The following MAP4 variants were observed in gnomAD, a reference collection of about 807,000 sequenced individuals.
The protein encoded by MAP4 is microtubule-associated protein 4.
MAP4 carries 76 observed loss-of-function variants against 170.2 expected under a neutral mutation model. That is an observed-to-expected ratio of 0.45 (90% confidence interval 0.37 to 0.54). The LOEUF is 0.54. Among genes scored for constraint, MAP4 ranks in the 20% least tolerant of loss-of-function variants. The pLI is 0.00. For synonymous variants in MAP4, 909 were observed against 994.5 expected (o/e 0.91, Z 1.62); for missense variants, 2,506 against 2,748.0 (o/e 0.91, Z 1.97).
chr3:47,918,469 A>C (rs2100040939), intron 6 of MAP4, among the ~76,000 whole-genome samples: 1 of 151,922 alleles, frequency 6.6e-6, no homozygotes, highest in African/African-American at 2.4e-5. Context: ...TAATACAATG[A>C]AAATGTGATG....
At chr3:47,902,153 C>CA (rs1168447299) in intron 10 of MAP4, among the ~76,000 whole-genome samples, 2 of 151,882 alleles carry the variant, frequency 1.3e-5, no homozygotes. Context: ...TACCTTGTCT[C>CA]AAAAAAATAA....
At chr3:48,065,514 T>C (rs1400891587) in intron 1 of MAP4, among the ~76,000 whole-genome samples, 1 of 144,538 alleles carries the variant, frequency 6.9e-6, no homozygotes, top group Non-Finnish European at 1.5e-5. Context: ...AGTTAAGCCT[T>C]ATAAGACACC....
intron 3 of MAP4, among the ~76,000 whole-genome samples, chr3:47,964,048 G>A (rs1433112208): frequency 1.3e-5 from 2 of 152,172 alleles, no homozygotes; most frequent in Admixed American, 1.3e-4. Flanking sequence ...ACACCATGAA[G>A]CAAAGTAAGT....
At chr3:47,985,193 T>A (rs1417842611) in intron 2 of MAP4, among the ~76,000 whole-genome samples, 3 of 151,406 alleles carry the variant, frequency 2.0e-5, no homozygotes, top group East Asian at 3.9e-4. Context: ...GGCAGGAGGA[T>A]CACCTGAACC....
chr3:47,915,277 C>T (rs1008402512), intron 7 of MAP4, among the ~76,000 whole-genome samples: 5 of 151,930 alleles, frequency 3.3e-5, no homozygotes, highest in Admixed American at 2.6e-4. Flanking sequence ...CCACCATGCC[C>T]GGCTAATTTT....
intron 9 of MAP4, 49 bp downstream of exon 9, chr3:47,908,989 C>A: frequency 1.3e-6 from 2 of 1,558,516 alleles, no homozygotes; most frequent in Middle Eastern, 1.7e-4. Context: ...CTTTCTGATG[C>A]TGACTCAAAA....
At chr3:47,906,200 C>T (rs748635449) in intron 9 of MAP4, among the ~76,000 whole-genome samples, 11 of 151,696 alleles carry the variant, frequency 7.3e-5, no homozygotes, top group Non-Finnish European at 1.2e-4. Flanking sequence ...TGTAGGCCTA[C>T]AGAGAGCAAT....
intron 10 of MAP4, among the ~76,000 whole-genome samples, chr3:47,896,454 G>A (rs1459109079): frequency 3.9e-5 from 6 of 152,108 alleles, no homozygotes; most frequent in Admixed American, 1.3e-4. Context: ...GCTTGAACCC[G>A]GGAGGCAGAG....
At chr3:48,037,214 C>T (rs2100119173) in intron 1 of MAP4, among the ~76,000 whole-genome samples, 1 of 152,174 alleles carries the variant, frequency 6.6e-6, no homozygotes, top group Non-Finnish European at 1.5e-5. Flanking sequence ...CTCCCTTTAG[C>T]TCTTCATGTG....
intron 3 of MAP4, among the ~76,000 whole-genome samples, chr3:47,939,655 A>C (rs1216886041): frequency 6.6e-6 from 1 of 152,130 alleles, no homozygotes; most frequent in Non-Finnish European, 1.5e-5. Flanking sequence ...TAGACATTAA[A>C]AACTCTGATT....
chr3:47,975,607 G>T, intron 3 of MAP4: 1 of 709,528 alleles, frequency 1.4e-6, no homozygotes, highest in Non-Finnish European at 2.6e-6. Flanking sequence ...GTTTGCTCTC[G>T]GGACTATAGA....
chr3:47,999,739 A>G (rs1338486716), intron 1 of MAP4, among the ~76,000 whole-genome samples: 2 of 152,070 alleles, frequency 1.3e-5, no homozygotes, highest in Non-Finnish European at 2.9e-5. Flanking sequence ...AAAGATAACT[A>G]TTGGGTACTA....
intron 1 of MAP4, among the ~76,000 whole-genome samples, chr3:48,009,743 T>C (rs2100104277): frequency 6.6e-6 from 1 of 152,160 alleles, no homozygotes; most frequent in Admixed American, 6.5e-5. Context: ...GAACTGGAAG[T>C]GGCACCACTC....
At chr3:47,939,940 C>G (rs2100055272) in intron 3 of MAP4, among the ~76,000 whole-genome samples, 1 of 152,008 alleles carries the variant, frequency 6.6e-6, no homozygotes, top group Non-Finnish European at 1.5e-5. Context: ...CAGGTTCAAG[C>G]AATTCTCCTG....
At chr3:47,918,928 TTTTG>T (rs1379545296) in intron 5 of MAP4, 87 bp from the exon 6 acceptor site, 63 of 1,221,748 alleles carry the variant, frequency 5.2e-5, no homozygotes, top group Middle Eastern at 2.0e-4. Flanking sequence ...TTTTGTTTTG[TTTTG>T]TTTGTTTTTT....
In MAP4 at chr3:47,920,544, G is replaced by GT. The variant is rs71070241; in HGVS notation, c.529+1220dup. ...GGGCGTGTGCCACTGCACCCAGATG[G>GT]TTTTTTTTTTTTTTTTTTTTTTTTA... On this transcript the variant is annotated intron_variant, in intron 5 of 20. Coordinates refer to ENST00000683076, the MANE Select transcript of MAP4 (RefSeq NM_001385682.1). Among the ~76,000 whole-genome samples the GT allele has an allele frequency of 8.0e-4, 77 of 96,542 alleles. 1 individual carries two copies. The highest frequency in any genetic ancestry group is 1.6e-3 in the South Asian group (4 of 2,536). 63.3% of individuals were successfully genotyped at this position (96,542 alleles called of 152,430 possible). A position where few individuals can be genotyped will look rare whatever the true frequency, so the allele number is the denominator to read the frequency against.
intron 2 of MAP4, among the ~76,000 whole-genome samples, chr3:47,978,312 G>GTTT (rs2100083385): frequency 6.6e-6 from 1 of 152,032 alleles, no homozygotes; most frequent in South Asian, 2.1e-4. Context: ...GAGGGCATTT[G>GTTT]TTTTATTATT....
intron 1 of MAP4, among the ~76,000 whole-genome samples, chr3:48,005,122 G>A (rs1299788176): frequency 6.6e-6 from 1 of 152,168 alleles, no homozygotes; most frequent in Non-Finnish European, 1.5e-5. Flanking sequence ...AATACTTTGT[G>A]AGGCCGAGGT....
intron 3 of MAP4, among the ~76,000 whole-genome samples, chr3:47,946,209 C>G (rs915294864): frequency 6.6e-6 from 1 of 151,258 alleles, no homozygotes; most frequent in Non-Finnish European, 1.5e-5. Context: ...TCCCAAAGTG[C>G]TGGGATTACA....
Sources: allele counts gnomAD v4.1 joint callset (sites outside exome capture counted in the v4.1 genomes callset), GRCh38; gene constraint gnomAD v4.1.1; transcripts MANE v1.5; gene names NCBI Gene and HGNC (gene_info 2026-07-23, HGNC 2026-07-21).